Variants in NALF1 observed in about 807,000 individuals in gnomAD.
NALF1 encodes NALCN channel auxiliary factor 1.
In NALF1, 3 loss-of-function variants were observed where a neutral mutation model predicts 48.4. That is an observed-to-expected ratio of 0.06 (90% CI 0.03 to 0.16). NALF1 has a LOEUF of 0.16. Among genes scored for constraint, NALF1 ranks in the 10% least tolerant of loss-of-function variants. The pLI is 1.00. For missense variants in NALF1, 526 were observed against 571.5 expected, an observed-to-expected ratio of 0.92 and a Z score of 0.81; for synonymous variants, 262 against 245.7, an observed-to-expected ratio of 1.07 and a Z score of -0.62.
chr13:107,711,178 ACC>A (rs1313903772), intron 1 of NALF1, among the ~76,000 whole-genome samples: 1 of 152,138 alleles, frequency 6.6e-6, no homozygotes, highest in African/African-American at 2.4e-5. Context: ...CTTGTTGGCA[ACC>A]TGAGGGAAGA....
At chr13:107,455,398 C>A (rs1018967585) in intron 1 of NALF1, among the ~76,000 whole-genome samples, 1 of 152,094 alleles carries the variant, frequency 6.6e-6, no homozygotes, top group African/African-American at 2.4e-5. Context: ...TGTTTAGTTT[C>A]ACAGCAAAAT....
In NALF1 at chr13:107,620,012, T is replaced by C. The variant is rs2138439726; in HGVS notation, c.915+245670A>G. Among the ~76,000 whole-genome samples, 4 of 152,338 alleles carry C rather than the reference T, an allele frequency of 2.6e-5. No individual in the cohort carries two copies. The South Asian group carries it at 8.3e-4, about 32-fold the overall frequency. ...CCTCTTTTTTGTGTGTTCATTATTA[T>C]GTAATCTGTCACATATTAATTGAAC... On this transcript the variant is annotated intron_variant, in intron 1 of 2. Transcript: ENST00000375915.
At chr13:107,283,279 T>C (rs9514646) in intron 1 of NALF1, among the ~76,000 whole-genome samples, 31,908 of 152,088 alleles carry the variant, frequency 0.21, 4,278 homozygotes, top group Non-Finnish European at 0.29. Flanking sequence ...ACCTTACATG[T>C]GTGCCAATAA....
At chr13:107,497,056 G>A (rs1479770744) in intron 1 of NALF1, among the ~76,000 whole-genome samples, 1 of 151,982 alleles carries the variant, frequency 6.6e-6, no homozygotes, top group Admixed American at 6.6e-5. Flanking sequence ...TTTAAATACA[G>A]GCACTAACTA....
intron 1 of NALF1, among the ~76,000 whole-genome samples, chr13:107,234,613 C>A (rs1035549383): frequency 6.6e-6 from 1 of 152,026 alleles, no homozygotes; most frequent in African/African-American, 2.4e-5. Context: ...AGATCATCTG[C>A]TCTCCCTCAC....
At chr13:107,260,614 G>C (rs1015680390) in intron 1 of NALF1, among the ~76,000 whole-genome samples, 1 of 152,170 alleles carries the variant, frequency 6.6e-6, no homozygotes, top group African/African-American at 2.4e-5. Flanking sequence ...TAAACAGACT[G>C]ATGTATTGGC....
rs998714942 is a variant in NALF1 at position 107,867,409 on chromosome 13, C to G, written c.-813G>C. 6.7e-6 allele frequency among the ~76,000 whole-genome samples: 1 copy of G among 148,728 alleles called. No individual in the cohort carries two copies. Among genetic ancestry groups the G allele is most frequent in the Non-Finnish European group, 1.5e-5 (1 of 66,910 alleles). On this transcript the variant is annotated 5_prime_UTR_variant, in exon 1 of 3. Coordinates refer to ENST00000375915, the MANE Select transcript of NALF1 (RefSeq NM_001080396.3). The surrounding 1 kb of genome is among the most constrained non-coding windows in gnomAD (Gnocchi z 4.4). ...CCTCCCGCGGAGCTCCGGGCCGAAT[C>G]GCCTGGGCTGGGCCTCCCGAGAGCC...
intron 1 of NALF1, among the ~76,000 whole-genome samples, chr13:107,232,579 G>A (rs185988893): frequency 2.4e-3 from 361 of 152,164 alleles, no homozygotes; most frequent in South Asian, 4.8e-3. Context: ...CAATAGCTAC[G>A]AATCAGCCCA....
chr13:107,866,536 C>G lies in NALF1; in HGVS notation c.61G>C (p.Ala21Pro), dbSNP rs867848961. The G allele has an allele frequency of 6.2e-7, 1 of 1,613,462 alleles. No homozygotes were observed. Among genetic ancestry groups the G allele is most frequent in the Middle Eastern group, 1.7e-4 (1 of 6,056 alleles). ...AACGGTTTCTCGTTCTCTCGGGGTG[C>G]TGCCAACCAGATTTTTAAGCCGTCG... Reference protein sequence around the residue: ...YDDGLKIWLAAPRENEKPFID... With the variant: ...YDDGLKIWLAPPRENEKPFID... Residue 21 changes from alanine to proline, a missense_variant, in exon 1 of 3, where the codon GCA (alanine) becomes CCA (proline). Ala to Pro is a conservative substitution (Grantham distance 27). This residue lies in a region of NALF1 where 373 missense variants were observed against 355.5 expected (regional missense o/e 1.05). Transcript: ENST00000375915. This position sits in a 1 kb window ranked among gnomAD's most constrained non-coding sequence, Gnocchi z 4.4.
intron 1 of NALF1, among the ~76,000 whole-genome samples, chr13:107,637,533 GA>G (rs1351955772): frequency 1.3e-5 from 2 of 152,118 alleles, no homozygotes; most frequent in Admixed American, 6.6e-5. Flanking sequence ...TTCCTTTAGT[GA>G]ACAATTAAGC....
intron 1 of NALF1, among the ~76,000 whole-genome samples, chr13:107,235,892 G>A (rs903999365): frequency 1.3e-5 from 2 of 152,150 alleles, no homozygotes; most frequent in Non-Finnish European, 2.9e-5. Context: ...CTAGATGAAA[G>A]GCATTGTGTT....
intron 1 of NALF1, among the ~76,000 whole-genome samples, chr13:107,379,364 G>GTAA (rs1253878694): frequency 6.6e-6 from 1 of 152,118 alleles, no homozygotes; most frequent in Non-Finnish European, 1.5e-5. Flanking sequence ...TATTGCTATA[G>GTAA]TAACTCTCCA....
intron 1 of NALF1, among the ~76,000 whole-genome samples, chr13:107,784,639 T>A (rs1023264832): frequency 9.9e-5 from 15 of 151,918 alleles, no homozygotes; most frequent in Admixed American, 9.8e-4. Flanking sequence ...CCAACAAACA[T>A]ATGAAAAAAT....
At chr13:107,392,350 A>G (rs1883641189) in intron 1 of NALF1, among the ~76,000 whole-genome samples, 1 of 152,104 alleles carries the variant, frequency 6.6e-6, no homozygotes, top group Non-Finnish European at 1.5e-5. Flanking sequence ...CAGTCCCAGG[A>G]AACAGGAAGC....
chr13:107,378,422 A>C (rs1287956776), intron 1 of NALF1, among the ~76,000 whole-genome samples: 1 of 152,186 alleles, frequency 6.6e-6, no homozygotes, highest in East Asian at 1.9e-4. Context: ...ATGCATGTCT[A>C]TATATATAAA....
At chr13:107,445,125 A>ATG (rs1279523574) in intron 1 of NALF1, among the ~76,000 whole-genome samples, 28 of 151,968 alleles carry the variant, frequency 1.8e-4, no homozygotes, top group Admixed American at 4.6e-4. Flanking sequence ...GTGTATATGC[A>ATG]TGTGTGTGTG....
intron 1 of NALF1, among the ~76,000 whole-genome samples, chr13:107,683,963 C>A (rs1486469745): frequency 3.9e-5 from 6 of 152,202 alleles, no homozygotes; most frequent in African/African-American, 1.4e-4. Flanking sequence ...GCTCCACAAA[C>A]TCTGGCAATA....
At chr13:107,602,394 A>G (rs562081416) in intron 1 of NALF1, among the ~76,000 whole-genome samples, 1 of 147,330 alleles carries the variant, frequency 6.8e-6, no homozygotes, top group East Asian at 2.1e-4. Context: ...AGATCTCTCC[A>G]GAGTGTCTCT....
At chr13:107,676,906 GA>G (rs2138491059) in intron 1 of NALF1, among the ~76,000 whole-genome samples, 1 of 152,120 alleles carries the variant, frequency 6.6e-6, no homozygotes, top group East Asian at 1.9e-4. Flanking sequence ...AATACCAAAA[GA>G]ATTCTGAAAT....
Sources: gnomAD v4.1 joint callset for allele counts (sites outside exome capture counted in the v4.1 genomes callset) on GRCh38, gnomAD v4.1.1 for gene constraint, gnomAD v4.1.1 regional missense constraint, Gnocchi (gnomAD v3.1) non-coding constraint, MANE v1.5 for transcripts, NCBI Gene and HGNC (gene_info 2026-07-23, HGNC 2026-07-21) for gene names.